The following SLC9A7 variants were observed in gnomAD, a reference collection of about 807,000 sequenced individuals.
SLC9A7 encodes solute carrier family 9 member A7.
In SLC9A7, 19 loss-of-function variants were observed where a neutral mutation model predicts 52.6. That is an observed-to-expected ratio of 0.36 (90% confidence interval 0.25 to 0.53). The LOEUF (loss-of-function observed/expected upper bound fraction) is 0.53. SLC9A7 is among the 20% of genes least tolerant of loss of function. The probability of loss-of-function intolerance (pLI) is 0.91; values close to 1 mark genes in which losing one functional copy is unlikely to be tolerated. For synonymous variants in SLC9A7, 226 were observed against 252.1 expected (o/e 0.90, Z 0.98); for missense variants, 455 against 597.9 (o/e 0.76, Z 2.49).
chrX:46,636,155 A>C (rs781052333), intron 12 of SLC9A7, among the ~76,000 whole-genome samples: 4 of 111,624 alleles, frequency 3.6e-5, no homozygotes, highest in Non-Finnish European at 5.6e-5. Context: ...CCAGACAAGC[A>C]CACCATGTTG....
intron 1 of SLC9A7, among the ~76,000 whole-genome samples, chrX:46,749,728 G>T (rs764880439): frequency 2.4e-4 from 27 of 111,247 alleles, no homozygotes; most frequent in African/African-American, 8.8e-4. Flanking sequence ...TTGTCATCCT[G>T]CCTCATTCCT....
chrX:46,652,889 C>T (rs2073820033), intron 8 of SLC9A7, among the ~76,000 whole-genome samples: 1 of 111,610 alleles, frequency 9.0e-6, no homozygotes, highest in Non-Finnish European at 1.9e-5. Flanking sequence ...AATGAAAAAC[C>T]GTGTTCACAC....
chrX:46,744,861 G>C lies in SLC9A7; in HGVS notation c.325+13844C>G, dbSNP rs759127556. Among the ~76,000 whole-genome samples the C allele has an allele frequency of 8.6e-4, 96 of 111,506 alleles. 1 individual carries two copies. The highest frequency in any genetic ancestry group is 1.4e-3 in the Non-Finnish European group (74 of 53,224). ...AAACATTGAAGAACAACCAGAAGCTGTCAGAGCCAATTTTGTCAGAATTCT... is the reference window on the plus strand; with the variant it reads ...AAACATTGAAGAACAACCAGAAGCTCTCAGAGCCAATTTTGTCAGAATTCT... On this transcript the variant is annotated intron_variant, in intron 1 of 16. Transcript: ENST00000616978.
intron 14 of SLC9A7, among the ~76,000 whole-genome samples, chrX:46,628,970 G>A (rs1943180137): frequency 8.9e-6 from 1 of 112,682 alleles, no homozygotes; most frequent in African/African-American, 3.2e-5. Flanking sequence ...CTCTGCACAA[G>A]GGCGTGAGTC....
intron 15 of SLC9A7, among the ~76,000 whole-genome samples, chrX:46,616,224 G>T (rs754152387): frequency 1.8e-4 from 19 of 106,350 alleles, no homozygotes; most frequent in African/African-American, 5.8e-4. Flanking sequence ...GGAGGCTAAG[G>T]TGGGAGGATC....
intron 11 of SLC9A7, chrX:46,647,140 C>G: frequency 3.0e-6 from 1 of 334,851 alleles, no homozygotes. Context: ...TCCAGAGGGT[C>G]CAGATCGCTC....
chrX:46,643,495 T>C, intron 11 of SLC9A7, 106 bp from the exon 12 acceptor site: 2 of 791,270 alleles, frequency 2.5e-6, no homozygotes. Flanking sequence ...CATTCATGCT[T>C]CAGGGGCCAA....
chrX:46,651,038 CTA>C (rs1376005015), intron 10 of SLC9A7, 70 bp downstream of exon 10: 4 of 434,776 alleles, frequency 9.2e-6, no homozygotes, highest in Non-Finnish European at 1.5e-5. Context: ...ATTATTATGA[CTA>C]TTATTACTAT....
intron 10 of SLC9A7, among the ~76,000 whole-genome samples, chrX:46,650,881 T>C (rs1943568880): frequency 9.0e-6 from 1 of 111,523 alleles, no homozygotes; most frequent in African/African-American, 3.3e-5. Flanking sequence ...TCAAATACAT[T>C]TAGTGTTATG....
At chrX:46,753,771 C>T (rs377152941) in intron 1 of SLC9A7, among the ~76,000 whole-genome samples, 2 of 110,588 alleles carry the variant, frequency 1.8e-5, no homozygotes, top group Admixed American at 9.7e-5. Flanking sequence ...ATCACAAGGT[C>T]AGGAGACTGA....
At chrX:46,734,360 CTA>C (rs1945089167) in intron 1 of SLC9A7, among the ~76,000 whole-genome samples, 1 of 111,472 alleles carries the variant, frequency 9.0e-6, no homozygotes, top group South Asian at 3.8e-4. Context: ...GAAATAAACT[CTA>C]GACAATAAAT....
intron 1 of SLC9A7, among the ~76,000 whole-genome samples, chrX:46,735,995 T>C (rs1292957897): frequency 8.9e-6 from 1 of 111,859 alleles, no homozygotes. Context: ...TTATCTTGCT[T>C]GGTGTTCTCT....
At chrX:46,624,266 G>C (rs1292954357) in intron 14 of SLC9A7, among the ~76,000 whole-genome samples, 2 of 111,990 alleles carry the variant, frequency 1.8e-5, no homozygotes, top group Non-Finnish European at 3.8e-5. Flanking sequence ...CTGAAGTACA[G>C]GTCACGACCT....
intron 12 of SLC9A7, among the ~76,000 whole-genome samples, chrX:46,639,005 T>C (rs369648280): frequency 1.5e-4 from 17 of 112,672 alleles, no homozygotes; most frequent in African/African-American, 5.5e-4. Flanking sequence ...AAGAATAATA[T>C]ACCACATCAA....
At chrX:46,738,083 GAAAGAAAGAAAGAAAGAAAGAAAGAGAAA>G (rs1341804475) in intron 1 of SLC9A7, among the ~76,000 whole-genome samples, 3 of 72,357 alleles carry the variant, frequency 4.1e-5, no homozygotes, top group Non-Finnish European at 6.8e-5. Context: ...AAGAAAGAAA[GAAAGAAAGAAAGAAAGAAAGAAAGAGAAA>G]AGAAAAGAAA....
intron 1 of SLC9A7, among the ~76,000 whole-genome samples, chrX:46,714,833 G>A (rs1200395197): frequency 2.7e-5 from 3 of 111,834 alleles, no homozygotes; most frequent in East Asian, 2.8e-4. Flanking sequence ...GTTAAGGAGT[G>A]TAGTGTGGAG....
At chrX:46,615,066 C>T (rs992159896) in intron 15 of SLC9A7, among the ~76,000 whole-genome samples, 6 of 111,998 alleles carry the variant, frequency 5.4e-5, no homozygotes, top group African/African-American at 6.5e-5. Flanking sequence ...TTTTTTGAGA[C>T]GGAGTCTCGC....
intron 1 of SLC9A7, among the ~76,000 whole-genome samples, chrX:46,714,869 C>T (rs747015127): frequency 1.3e-4 from 14 of 111,246 alleles, no homozygotes; most frequent in Non-Finnish European, 2.5e-4. Flanking sequence ...TTAGAAAGAA[C>T]CAATAGAAAT....
intron 1 of SLC9A7, among the ~76,000 whole-genome samples, chrX:46,686,040 T>C (rs984774751): frequency 8.9e-6 from 1 of 112,396 alleles, no homozygotes; most frequent in African/African-American, 3.2e-5. Flanking sequence ...AGGGTTTATA[T>C]TTGTAGACAA....
Sources: allele counts gnomAD v4.1 joint callset (sites outside exome capture counted in the v4.1 genomes callset), GRCh38; gene constraint gnomAD v4.1.1; transcripts MANE v1.5; gene names NCBI Gene and HGNC (gene_info 2026-07-23, HGNC 2026-07-21).